SPRY3: variants seen among roughly 807,000 people sequenced by gnomAD.
SPRY3 encodes the protein protein sprouty homolog 3.
In SPRY3, 15 loss-of-function variants were observed where a neutral mutation model predicts 20.2. That is an observed-to-expected ratio of 0.74 (90% CI 0.50 to 1.14). SPRY3 has a LOEUF of 1.14. Among genes scored for constraint, SPRY3 ranks in the 50% most tolerant of loss-of-function variants. The pLI, the probability that SPRY3 is intolerant of heterozygous loss-of-function variation, is 0.00. For missense variants in SPRY3, 364 were observed against 363.9 expected, an observed-to-expected ratio of 1.00 and a Z score of 0.00; for synonymous variants, 143 against 136.5, an observed-to-expected ratio of 1.05 and a Z score of -0.33.
At chrX:155,754,241 G>A (rs759804638) in intron 2 of SPRY3, among the ~76,000 whole-genome samples, 19 of 152,004 alleles carry the variant, frequency 1.2e-4, no homozygotes, top group African/African-American at 3.9e-4. Flanking sequence ...TTATGTCTAT[G>A]ATTTTGAGTT....
chrX:155,711,688 A>AT (rs4047354), intron 2 of SPRY3, among the ~76,000 whole-genome samples: 36,008 of 145,866 alleles, frequency 0.25, 638 homozygotes, highest in South Asian at 0.37. Flanking sequence ...TCTTTTTACT[A>AT]TTTTTTTTTT....
chrX:155,751,958 T>TAAAATAAAATAAAATA (rs2091265288), intron 2 of SPRY3, among the ~76,000 whole-genome samples: 1 of 142,322 alleles, frequency 7.0e-6, no homozygotes, highest in Non-Finnish European at 1.5e-5. Flanking sequence ...TAAAATAAAA[T>TAAAATAAAATAAAATA]AAAATAAAAT....
chrX:155,771,627 C>G (rs1242295772), intron 3 of SPRY3, among the ~76,000 whole-genome samples: 1 of 152,114 alleles, frequency 6.6e-6, no homozygotes, highest in Non-Finnish European at 1.5e-5. Context: ...CTCCCAGTCC[C>G]AAGTTCCTAC....
intron 2 of SPRY3, among the ~76,000 whole-genome samples, chrX:155,699,944 T>TG (rs1186446760): frequency 2.9e-5 from 3 of 104,387 alleles, no homozygotes; most frequent in Non-Finnish European, 5.8e-5. Context: ...ACACATTCTC[T>TG]GGGGCACAGC....
At chrX:155,725,058 C>T (rs1345461206) in intron 2 of SPRY3, among the ~76,000 whole-genome samples, 1 of 152,170 alleles carries the variant, frequency 6.6e-6, no homozygotes, top group Non-Finnish European at 1.5e-5. Context: ...AAGGACTTTT[C>T]TGCATCTATT....
intron 2 of SPRY3, among the ~76,000 whole-genome samples, chrX:155,736,658 G>T (rs1200726347): frequency 6.6e-6 from 1 of 151,958 alleles, no homozygotes; most frequent in Admixed American, 6.6e-5. Flanking sequence ...ATATGCTTAA[G>T]TGTAGTTTTT....
chrX:155,756,192 T>C (rs1283528293), intron 2 of SPRY3, among the ~76,000 whole-genome samples: 2 of 152,066 alleles, frequency 1.3e-5, no homozygotes, highest in Non-Finnish European at 2.9e-5. Flanking sequence ...GAGTGGAAAA[T>C]GGTCATATCA....
intron 2 of SPRY3, among the ~76,000 whole-genome samples, chrX:155,735,063 A>G (rs1323688508): frequency 6.6e-6 from 1 of 151,882 alleles, no homozygotes; most frequent in Non-Finnish European, 1.5e-5. Context: ...ATTTTCATTT[A>G]ATTAAAAAAA....
At chrX:155,711,528 A>C (rs1236018336) in intron 2 of SPRY3, among the ~76,000 whole-genome samples, 2 of 150,944 alleles carry the variant, frequency 1.3e-5, no homozygotes, top group Non-Finnish European at 3.0e-5. Context: ...GATTTTATTT[A>C]TTTGGGCCTC....
chrX:155,704,581 G>C (rs2090935929), intron 2 of SPRY3, among the ~76,000 whole-genome samples: 1 of 151,658 alleles, frequency 6.6e-6, no homozygotes, highest in Admixed American at 6.6e-5. Context: ...GAAAAAGAGA[G>C]AAAGAATGGG....
intron 2 of SPRY3, among the ~76,000 whole-genome samples, chrX:155,686,481 G>A (rs191985146): frequency 1.3e-4 from 15 of 111,907 alleles, no homozygotes; most frequent in African/African-American, 4.2e-4. Flanking sequence ...AGTCTGAGGC[G>A]TAGGTGAAGA....
chrX:155,766,122 C>A (rs2124596892), intron 2 of SPRY3, among the ~76,000 whole-genome samples: 1 of 152,284 alleles, frequency 6.6e-6, no homozygotes, highest in Admixed American at 6.5e-5. Context: ...TTAGAAATTA[C>A]ACACACGCAC....
At chrX:155,632,993 C>T (rs1603115229) in intron 1 of SPRY3, among the ~76,000 whole-genome samples, 1 of 110,987 alleles carries the variant, frequency 9.0e-6, no homozygotes, top group East Asian at 2.9e-4. Context: ...AACTGTCAGC[C>T]CTTAACTACA....
intron 2 of SPRY3, among the ~76,000 whole-genome samples, chrX:155,657,633 C>CT: frequency 1.8e-5 from 2 of 111,864 alleles, no homozygotes; most frequent in East Asian, 5.7e-4. Flanking sequence ...TTCTGTCTCC[C>CT]TGGGGTTCCA....
intron 1 of SPRY3, among the ~76,000 whole-genome samples, chrX:155,633,935 G>A (rs913149513): frequency 2.7e-5 from 3 of 111,347 alleles, no homozygotes; most frequent in African/African-American, 9.8e-5. Flanking sequence ...ACAAAAATTA[G>A]CTGGGCGTGG....
chrX:155,770,628 TTCTC>T (rs371698358), intron 3 of SPRY3, among the ~76,000 whole-genome samples: 125 of 146,540 alleles, frequency 8.5e-4, no homozygotes, highest in East Asian at 3.5e-3. Flanking sequence ...GATGTGTACA[TTCTC>T]TCTCTCTCTC....
chrX:155,768,636 A>C (rs1200180765), intron 3 of SPRY3, among the ~76,000 whole-genome samples: 2 of 152,120 alleles, frequency 1.3e-5, no homozygotes, highest in African/African-American at 2.4e-5. Flanking sequence ...GACATGGCGC[A>C]AGCTGACACG....
chrX:155,649,154 G>A (rs2067967865), intron 1 of SPRY3, among the ~76,000 whole-genome samples: 1 of 111,429 alleles, frequency 9.0e-6, no homozygotes, highest in African/African-American at 3.3e-5. Context: ...AAAAGCCCAG[G>A]ACCAGACAGA....
intron 2 of SPRY3, among the ~76,000 whole-genome samples, chrX:155,708,714 C>T (rs1156285032): frequency 6.6e-6 from 1 of 151,406 alleles, no homozygotes; most frequent in African/African-American, 2.4e-5. Flanking sequence ...AGTATTCACC[C>T]CATCAAGCAT....
Sources: allele counts gnomAD v4.1 joint callset (sites outside exome capture counted in the v4.1 genomes callset), GRCh38; gene constraint gnomAD v4.1.1; transcripts MANE v1.5; gene names NCBI Gene and HGNC (gene_info 2026-07-23, HGNC 2026-07-21).